Variants in LAMA2 observed in about 807,000 individuals in gnomAD.
The protein encoded by LAMA2 is laminin subunit alpha-2.
Under a neutral mutation model 364.8 loss-of-function variants are expected in LAMA2, and 269 were observed. That is an observed-to-expected ratio of 0.74 (90% confidence interval 0.67 to 0.82). LAMA2 has a LOEUF of 0.82. Among genes scored for constraint, LAMA2 ranks in the 40% least tolerant of loss-of-function variants. The probability of loss-of-function intolerance (pLI) is 0.00; values close to 1 mark genes in which losing one functional copy is unlikely to be tolerated. For synonymous variants in LAMA2, 1,379 were observed against 1,370.6 expected (o/e 1.01, Z -0.14); for missense variants, 3,807 against 3,873.2 (o/e 0.98, Z 0.45).
rs987399829 is a variant in LAMA2, at chr6:129,170,412, C to T, written c.1306+4737C>T. Among the ~76,000 whole-genome samples the T allele has an allele frequency of 7.4e-4, 103 of 138,536 alleles. 1 individual carries two copies. The Middle Eastern group carries it at 0.01, about 14-fold the overall frequency. 90.9% of individuals were successfully genotyped at this position (138,536 alleles called of 152,430 possible). A position where few individuals can be genotyped will look rare whatever the true frequency, so the allele number is the denominator to read the frequency against. ...AACATCTTTATTTCTGCCTTCATTT[C>T]GTTATGTACCCAGTAGTCATTCAGG... On this transcript the variant is annotated intron_variant, in intron 9 of 64. Transcript: ENST00000421865.
rs760044922 is a variant in LAMA2 at position 129,315,691 on chromosome 6, G to A, written c.3735+36G>A. ...GAACTTTAATGTCAAGTGAGAACAA[G>A]ATAAAATCTTTTTAGAATCACACCA... On this transcript the variant is annotated intron_variant, in intron 25 of 64. Coordinates refer to ENST00000421865, the MANE Select transcript of LAMA2 (RefSeq NM_000426.4). The A allele has an allele frequency of 4.0e-5, 65 of 1,611,706 alleles. No individual in the cohort carries two copies. In the Admixed American group the frequency reaches 1.0e-3, roughly 26 times the overall value.
intron 22 of LAMA2, among the ~76,000 whole-genome samples, chr6:129,304,728 A>G (rs554964483): frequency 6.6e-6 from 1 of 152,118 alleles, no homozygotes; most frequent in African/African-American, 2.4e-5. Context: ...TATAATCTTT[A>G]ATTTATTTTG....
At chr6:128,912,323 ATAT>A in intron 1 of LAMA2, among the ~76,000 whole-genome samples, 1 of 140,068 alleles carries the variant, frequency 7.1e-6, no homozygotes, top group East Asian at 1.9e-4. Context: ...ACCGTAATGG[ATAT>A]TTTTTTCTCA....
intron 29 of LAMA2, among the ~76,000 whole-genome samples, chr6:129,338,615 C>A (rs904332377): frequency 6.6e-6 from 1 of 152,114 alleles, no homozygotes; most frequent in Non-Finnish European, 1.5e-5. Context: ...TCTGAAAAAG[C>A]CTGACCAGTT....
intron 23 of LAMA2, among the ~76,000 whole-genome samples, chr6:129,314,390 C>G (rs1562448703): frequency 1.1e-5 from 1 of 91,054 alleles, no homozygotes; most frequent in Non-Finnish European, 1.9e-5. Context: ...AAGAGCGAGA[C>G]TCCGTCTCAA....
chr6:129,371,302 G>A (rs1480279736), intron 34 of LAMA2, among the ~76,000 whole-genome samples: 1 of 151,722 alleles, frequency 6.6e-6, no homozygotes, highest in Non-Finnish European at 1.5e-5. Flanking sequence ...TAAGTGTATG[G>A]AGGACCATAT....
chr6:129,201,031 C>T (rs1477564297), intron 12 of LAMA2, among the ~76,000 whole-genome samples: 3 of 152,096 alleles, frequency 2.0e-5, no homozygotes, highest in Non-Finnish European at 2.9e-5. Flanking sequence ...ATAATAGTAT[C>T]TAGATTTCCT....
intron 32 of LAMA2, among the ~76,000 whole-genome samples, chr6:129,365,489 G>A (rs895058932): frequency 1.4e-4 from 22 of 151,730 alleles, no homozygotes; most frequent in Non-Finnish European, 3.2e-4. Context: ...CAGCCTTCTG[G>A]GTAGCTGAGA....
chr6:129,072,075 A>T (rs984227938), intron 3 of LAMA2, among the ~76,000 whole-genome samples: 1 of 152,044 alleles, frequency 6.6e-6, no homozygotes, highest in Non-Finnish European at 1.5e-5. Flanking sequence ...TCAACCCAGG[A>T]GGTAGAGGTT....
intron 1 of LAMA2, among the ~76,000 whole-genome samples, chr6:128,892,670 G>A (rs367574875): frequency 1.1e-4 from 16 of 151,802 alleles, no homozygotes; most frequent in East Asian, 5.8e-4. Flanking sequence ...AGTCTAATTG[G>A]ATTGCAGAAA....
At position 129,514,472 on chromosome 6, in the gene LAMA2, G is replaced by A; in HGVS notation, c.9088G>A (p.Ala3030Thr). 6.2e-7 allele frequency: 1 copy of A among 1,614,086 alleles called. No homozygotes were observed. The highest frequency in any genetic ancestry group is 8.5e-7 in the Non-Finnish European group (1 of 1,179,994). The change falls in exon 64 of 65, where the codon GCC (alanine) becomes ACC (threonine). Residue 3030 changes from alanine (A) to threonine (T), a missense_variant. Around this residue, in one of 3 missense-constraint regions of LAMA2, gnomAD observed 3,333 missense variants for 3,345.7 expected, o/e 1.00. Coordinates refer to ENST00000421865, the MANE Select transcript of LAMA2 (RefSeq NM_000426.4). ...TGATGGACAATGGCATAAAGTCACTGCCAACAAGATCAAACACCGCATTGA... is the reference window on the plus strand; with the variant it reads ...TGATGGACAATGGCATAAAGTCACTACCAACAAGATCAAACACCGCATTGA... ...LCDGQWHKVTANKIKHRIELT... is the reference protein window; with the variant it reads ...LCDGQWHKVTTNKIKHRIELT...
At chr6:129,161,752 A>G (rs1034753181) in intron 8 of LAMA2, among the ~76,000 whole-genome samples, 1 of 152,122 alleles carries the variant, frequency 6.6e-6, no homozygotes, top group Non-Finnish European at 1.5e-5. Context: ...AACATGCAGT[A>G]TCTGGTTTTC....
intron 1 of LAMA2, among the ~76,000 whole-genome samples, chr6:129,031,847 A>G (rs1786251589): frequency 7.4e-6 from 1 of 135,594 alleles, no homozygotes; most frequent in African/African-American, 2.6e-5. Flanking sequence ...TTTTTTTGAA[A>G]TGGAGTCTTA....
chr6:129,480,271 A>C (rs1784281924), intron 54 of LAMA2, among the ~76,000 whole-genome samples: 1 of 152,198 alleles, frequency 6.6e-6, no homozygotes, highest in African/African-American at 2.4e-5. Context: ...AATAGCCTAC[A>C]TTAAAGGATT....
intron 40 of LAMA2, among the ~76,000 whole-genome samples, chr6:129,417,423 GT>G (rs1215934970): frequency 2.0e-5 from 3 of 152,252 alleles, no homozygotes; most frequent in East Asian, 1.9e-4. Context: ...TGAGTCCGGG[GT>G]TTTTTATGGG....
chr6:128,943,341 T>G (rs1397778168), intron 1 of LAMA2, among the ~76,000 whole-genome samples: 2 of 151,812 alleles, frequency 1.3e-5, no homozygotes, highest in Non-Finnish European at 2.9e-5. Flanking sequence ...TGGGGTGCTG[T>G]GGTGCAATTA....
intron 56 of LAMA2, among the ~76,000 whole-genome samples, chr6:129,488,951 A>G (rs113394941): frequency 1.3e-5 from 2 of 152,228 alleles, no homozygotes; most frequent in African/African-American, 4.8e-5. Flanking sequence ...TCCTTTCATC[A>G]CAGATGAGAA....
At chr6:128,968,615 G>A (rs1781999780) in intron 1 of LAMA2, among the ~76,000 whole-genome samples, 1 of 152,152 alleles carries the variant, frequency 6.6e-6, no homozygotes, top group African/African-American at 2.4e-5. Context: ...TTCAGCTCTG[G>A]AGATGCTTGT....
At position 129,417,130 on chromosome 6, in the gene LAMA2, C is replaced by T. The variant is rs144272532; in HGVS notation, c.5866-10622C>T. On this transcript the variant is annotated intron_variant, in intron 40 of 64. Coordinates refer to ENST00000421865, the MANE Select transcript of LAMA2 (RefSeq NM_000426.4). ...AGCTGGGGAAGGGGGTGTGTTTCAA[C>T]CCTGTTTGTGTTGTAGCTCTCTCAT... Among the ~76,000 whole-genome samples, 803 of 152,202 alleles carry T rather than the reference C, an allele frequency of 5.3e-3. 12 individuals carry two copies. Among genetic ancestry groups the T allele is most frequent in the East Asian group, 0.022 (113 of 5,168 alleles).
Sources: gnomAD v4.1 joint callset for allele counts (sites outside exome capture counted in the v4.1 genomes callset) on GRCh38, gnomAD v4.1.1 for gene constraint, gnomAD v4.1.1 regional missense constraint, MANE v1.5 for transcripts, NCBI Gene and HGNC (gene_info 2026-07-23, HGNC 2026-07-21) for gene names.